ZBTB25: variants seen among roughly 807,000 people sequenced by gnomAD.
ZBTB25 encodes the protein zinc finger and BTB domain-containing protein 25.
In ZBTB25, 20 loss-of-function variants were observed where a neutral mutation model predicts 34.2. The ratio of observed to expected loss-of-function variants is 0.58; its 90% confidence interval spans 0.41 to 0.85. ZBTB25 has a LOEUF of 0.85. ZBTB25 is among the 40% of genes least tolerant of loss of function. The probability of loss-of-function intolerance (pLI) is 0.00; values close to 1 mark genes in which losing one functional copy is unlikely to be tolerated. For missense variants in ZBTB25, 437 were observed against 521.8 expected (o/e 0.84, Z 1.58); for synonymous variants, 175 against 186.4 (o/e 0.94, Z 0.50).
rs546349230 is a variant in ZBTB25, at chr14:64,486,769, A to T, written c.*154T>A. The T allele has an allele frequency of 7.4e-7, 1 of 1,358,036 alleles. No individual in the cohort carries two copies. The highest frequency in any genetic ancestry group is 2.7e-4 in the Middle Eastern group (1 of 3,690). 84.1% of individuals were successfully genotyped at this position (1,358,036 alleles called of 1,614,324 possible). On this transcript the variant is annotated 3_prime_UTR_variant, in exon 3 of 3. Coordinates refer to ENST00000608382, the MANE Select transcript of ZBTB25 (RefSeq NM_006977.5). ...TAATAGCCACATATTAATATGTCTT[A>T]TGAGAAGATCTAATATATACAACCT...
At chr14:64,501,851 G>A (rs746507134) in intron 1 of ZBTB25, among the ~76,000 whole-genome samples, 39 of 152,178 alleles carry the variant, frequency 2.6e-4, no homozygotes, top group Non-Finnish European at 5.3e-4. Context: ...CACTTTGTAA[G>A]GCATAGAGGG....
At chr14:64,497,644 T>C (rs1260283846) in intron 1 of ZBTB25, among the ~76,000 whole-genome samples, 1 of 152,244 alleles carries the variant, frequency 6.6e-6, no homozygotes, top group Non-Finnish European at 1.5e-5. Flanking sequence ...TTCTAGATTG[T>C]AGTAACTCTG....
At chr14:64,456,182 G>A (rs1226067196) in intron 2 of ZBTB25, among the ~76,000 whole-genome samples, 2 of 151,510 alleles carry the variant, frequency 1.3e-5, no homozygotes, top group Admixed American at 6.6e-5. Context: ...GAGTCAGGCT[G>A]TAAGGTGGAG....
intron 2 of ZBTB25, among the ~76,000 whole-genome samples, chr14:64,459,356 A>T (rs778277362): frequency 1.2e-4 from 18 of 152,200 alleles, no homozygotes; most frequent in Non-Finnish European, 2.6e-4. Flanking sequence ...TTGGGGGAGC[A>T]CCTGAGAAAA....
At chr14:64,453,779 T>A (rs1486657119) in intron 2 of ZBTB25, 1 of 1,611,432 alleles carries the variant, frequency 6.2e-7, no homozygotes, top group Non-Finnish European at 8.5e-7. Flanking sequence ...AAAATCAGGA[T>A]CATTGCACAG....
At chr14:64,449,981 G>T (rs969365508) in intron 2 of ZBTB25, among the ~76,000 whole-genome samples, 1 of 152,140 alleles carries the variant, frequency 6.6e-6, no homozygotes, top group African/African-American at 2.4e-5. Context: ...TAGTAGAGAT[G>T]GGGTTTCACC....
intron 2 of ZBTB25, chr14:64,468,819 C>A (rs1300421614): frequency 6.2e-7 from 1 of 1,614,124 alleles, no homozygotes; most frequent in Admixed American, 1.7e-5. Context: ...AGTAATCATT[C>A]CAAAATTATA....
intron 2 of ZBTB25, among the ~76,000 whole-genome samples, chr14:64,457,550 G>C (rs2078495421): frequency 6.6e-6 from 1 of 151,678 alleles, no homozygotes; most frequent in Non-Finnish European, 1.5e-5. Flanking sequence ...CCGCCTCCCA[G>C]GTTCAAGCGA....
At chr14:64,495,747 G>A (rs1486687512) in intron 1 of ZBTB25, among the ~76,000 whole-genome samples, 2 of 151,984 alleles carry the variant, frequency 1.3e-5, no homozygotes, top group Non-Finnish European at 1.5e-5. Flanking sequence ...ACCTGAGGTC[G>A]GGAGTTCGAG....
At position 64,482,520 on chromosome 14, in the gene ZBTB25, A is replaced by G. The variant is rs546483531; in HGVS notation, c.*4403T>C. The G allele has an allele frequency of 2.0e-5, 3 of 152,366 alleles. No individual in the cohort carries two copies. The East Asian group carries it at 5.8e-4, about 29-fold the overall frequency. The allele number at this position is 152,366 out of a possible 1,614,324, so 9.4% of individuals were successfully genotyped here. ...CTTTTCCTTTGTGTAAACAAAAACA[A>G]TATATTTGGGAGAACTTTCAATAAA... On this transcript the variant is annotated 3_prime_UTR_variant, in exon 3 of 3. Coordinates refer to ENST00000608382, the MANE Select transcript of ZBTB25 (RefSeq NM_006977.5).
At chr14:64,476,336 T>C (rs1213059204), downstream of ZBTB25, among the ~76,000 whole-genome samples, 2 of 152,262 alleles carry the variant, frequency 1.3e-5, no homozygotes, top group African/African-American at 2.4e-5. Flanking sequence ...ATTTCTGTTT[T>C]TGTTTTTGAG....
At chr14:64,502,699 G>C (rs549206964) in intron 1 of ZBTB25, 2 of 985,476 alleles carry the variant, frequency 2.0e-6, no homozygotes, top group Admixed American at 1.2e-4. Flanking sequence ...AACTGGCACT[G>C]CGGTCCTGGC....
upstream of ZBTB25, chr14:64,505,107 C>T (rs932056699): frequency 5.7e-6 from 2 of 350,048 alleles, no homozygotes; most frequent in Admixed American, 9.5e-5. Flanking sequence ...CGGGCGGCTG[C>T]CAGGCCGCCT....
rs1319457127 is a variant in ZBTB25, at chr14:64,490,559, TA to T, written c.-7-20del. The T allele has an allele frequency of 6.3e-7, 1 of 1,596,614 alleles. No homozygotes were observed. Among genetic ancestry groups the T allele is most frequent in the African/African-American group, 1.3e-5 (1 of 74,576 alleles). ...TGTGGTTCTGAAAAAAAGGACAAGA[TA>T]AATGTAGATAGGTGTGTATGTATAT... On this transcript the variant is annotated intron_variant, in intron 1 of 2. Coordinates refer to ENST00000608382, the MANE Select transcript of ZBTB25 (RefSeq NM_006977.5).
chr14:64,457,114 TG>T (rs912872699), intron 2 of ZBTB25, among the ~76,000 whole-genome samples: 1 of 152,242 alleles, frequency 6.6e-6, no homozygotes, highest in African/African-American at 2.4e-5. Context: ...CCAGTAAGAA[TG>T]GTGATTATAA....
chr14:64,486,803 T>C lies in ZBTB25; in HGVS notation c.*120A>G. ...TCTAATATATACAACCTTAAAACCA[T>C]GGATAAGCTGTGAAGAAAAAAAGTC... On this transcript the variant is annotated 3_prime_UTR_variant, in exon 3 of 3. Transcript: ENST00000608382. The C allele has an allele frequency of 1.4e-6, 2 of 1,438,176 alleles. No homozygotes were observed. The highest frequency in any genetic ancestry group is 2.5e-5 in the East Asian group (1 of 40,110). 89.1% of individuals were successfully genotyped at this position (1,438,176 alleles called of 1,614,324 possible). A position where few individuals can be genotyped will look rare whatever the true frequency, so the allele number is the denominator to read the frequency against.
In ZBTB25 at chr14:64,501,476, C is replaced by T. The variant is rs550064383; in HGVS notation, c.-8+2185G>A. ...TTTCTCTTCTTAAAAGACTGAAGTT[C>T]ACATGCTATTTGGAATAAATACACA... is the stretch of plus-strand genomic sequence containing the variant. On this transcript the variant is annotated intron_variant, in intron 1 of 2. Transcript: ENST00000608382. 2.2e-3 allele frequency among the ~76,000 whole-genome samples: 329 copies of T among 152,296 alleles called. 1 individual carries two copies. Among genetic ancestry groups the T allele is most frequent in the African/African-American group, 7.7e-3 (321 of 41,572 alleles).
At position 64,485,961 on chromosome 14, in the gene ZBTB25, T is replaced by C; in HGVS notation, c.*962A>G. Reference sequence around the variant, plus strand: ...TTATCTATGTGTGTATATCTTACTGTTTCTTAAATATTTTTTAATGTCTCT... The same window carrying C: ...TTATCTATGTGTGTATATCTTACTGCTTCTTAAATATTTTTTAATGTCTCT... On this transcript the variant is annotated 3_prime_UTR_variant, in exon 3 of 3. Coordinates refer to ENST00000608382, the MANE Select transcript of ZBTB25 (RefSeq NM_006977.5). 1.0e-6 allele frequency: 1 copy of C among 984,812 alleles called. No individual in the cohort carries two copies. 61.0% of individuals were successfully genotyped at this position (984,812 alleles called of 1,614,324 possible).
chr14:64,473,973 GTCCTAATTAAAT>G (rs1248697993), downstream of ZBTB25: 1 of 166,846 alleles, frequency 6.0e-6, no homozygotes, highest in African/African-American at 2.4e-5. Context: ...AAATTCAGGT[GTCCTAATTAAAT>G]TCAATTTGAT....
Sources: allele counts gnomAD v4.1 joint callset (sites outside exome capture counted in the v4.1 genomes callset), GRCh38; gene constraint gnomAD v4.1.1; transcripts MANE v1.5; gene names NCBI Gene and HGNC (gene_info 2026-07-23, HGNC 2026-07-21).